Variants in CARF observed in about 807,000 individuals in gnomAD.
CARF encodes the protein calcium responsive transcription factor.
In CARF, 57 loss-of-function variants were observed where a neutral mutation model predicts 82.0. The observed-to-expected ratio is 0.70, with a 90% confidence interval of 0.56 to 0.87. CARF has a LOEUF of 0.87. Among genes scored for constraint, CARF ranks in the 40% least tolerant of loss-of-function variants. CARF has a pLI of 0.00. For missense variants in CARF, 771 were observed against 855.8 expected, an observed-to-expected ratio of 0.90 and a Z score of 1.24; for synonymous variants, 268 against 290.1, an observed-to-expected ratio of 0.92 and a Z score of 0.77.
At chr2:202,965,065 G>A (rs2059493546) in intron 9 of CARF, among the ~76,000 whole-genome samples, 1 of 151,802 alleles carries the variant, frequency 6.6e-6, no homozygotes, top group African/African-American at 2.4e-5. Flanking sequence ...TCCAAACAGG[G>A]TCCACAGACT....
At chr2:202,976,366 G>C (rs1165192238) in intron 13 of CARF, among the ~76,000 whole-genome samples, 1 of 151,892 alleles carries the variant, frequency 6.6e-6, no homozygotes. Context: ...TTAGAGACGG[G>C]TTTCACCATG....
At chr2:202,927,933 G>A (rs535205855) in intron 3 of CARF, among the ~76,000 whole-genome samples, 2 of 152,002 alleles carry the variant, frequency 1.3e-5, no homozygotes, top group East Asian at 3.9e-4. Flanking sequence ...TGAGTAGCTA[G>A]GACTACGGGT....
At chr2:202,961,608 G>T in intron 9 of CARF, 182 bp downstream of exon 9, 2 of 570,324 alleles carry the variant, frequency 3.5e-6, no homozygotes, top group Non-Finnish European at 3.1e-6. Context: ...TTATAATATT[G>T]CATTTTAATA....
At position 202,986,905 on chromosome 2, in the gene CARF, T is replaced by TATATATATACATATATATATAC. The variant is rs1559299503; in HGVS notation, c.*3284_*3285insTATATACATATATATATACATA. 1 of 127,794 alleles carries TATATATATACATATATATATAC rather than the reference T, an allele frequency of 7.8e-6. No homozygotes were observed. Among genetic ancestry groups the TATATATATACATATATATATAC allele is most frequent in the Non-Finnish European group, 1.7e-5 (1 of 58,678 alleles). 7.9% of individuals were successfully genotyped at this position (127,794 alleles called of 1,614,324 possible). ...ATATATATATATATATATATATATA[T>TATATATATACATATATATATAC]ATAGCAACTTGATGTATAGTGTCCT... On this transcript the variant is annotated 3_prime_UTR_variant, in exon 17 of 17. Transcript: ENST00000438828.
chr2:202,954,703 C>CGCTGTCTCGAA (rs1275557498), intron 7 of CARF, among the ~76,000 whole-genome samples: 4 of 136,764 alleles, frequency 2.9e-5, no homozygotes, highest in East Asian at 2.1e-4. Flanking sequence ...CAGAGCGAGA[C>CGCTGTCTCGAA]ATCATTTAAA....
intron 3 of CARF, among the ~76,000 whole-genome samples, chr2:202,927,838 C>T (rs1301092525): frequency 1.3e-5 from 2 of 149,100 alleles, no homozygotes; most frequent in Admixed American, 6.7e-5. Flanking sequence ...TCACTCTTGT[C>T]CCCTAGGCTG....
At chr2:202,980,648 A>ATATATATATATC in intron 14 of CARF, among the ~76,000 whole-genome samples, 1 of 113,150 alleles carries the variant, frequency 8.8e-6, no homozygotes, top group African/African-American at 3.3e-5. Context: ...ATATATATAT[A>ATATATATATATC]TATATATATA....
chr2:202,961,678 T>G (rs1317680579), intron 9 of CARF: 1 of 483,964 alleles, frequency 2.1e-6, no homozygotes, highest in Non-Finnish European at 3.6e-6. Flanking sequence ...ATATCGAAGT[T>G]TCCATTAAAC....
At chr2:202,952,296 T>C (rs1004755770) in intron 5 of CARF, among the ~76,000 whole-genome samples, 3 of 152,132 alleles carry the variant, frequency 2.0e-5, no homozygotes, top group Non-Finnish European at 4.4e-5. Flanking sequence ...ACTTCATCCA[T>C]GTGTAATGAT....
At chr2:202,972,454 A>G (rs2059828487) in intron 12 of CARF, among the ~76,000 whole-genome samples, 1 of 151,932 alleles carries the variant, frequency 6.6e-6, no homozygotes. Context: ...CGAGGAGGGC[A>G]GATCATGAGG....
chr2:202,942,748 C>A lies in CARF; in HGVS notation c.87C>A (p.Ile29=), dbSNP rs750035696. The change falls in exon 5 of 17, where the codon ATC becomes ATA. Residue 29 remains isoleucine (I), a synonymous_variant. Coordinates refer to ENST00000438828, the MANE Select transcript of CARF (RefSeq NM_024744.17). ...KTSAQVFEHL[I]CMDSRDSSFG... is the part of the protein sequence containing the mutation. ...TTTTTTCCTTACAAAAGCATCTAAT[C>A]TGTATGGACTCCAGGGATTCTTCCT... is the stretch of plus-strand genomic sequence containing the variant. 32 of 1,608,920 alleles carry A rather than the reference C, an allele frequency of 2.0e-5. No homozygotes were observed. Among genetic ancestry groups the A allele is most frequent in the Non-Finnish European group, 2.6e-5 (31 of 1,177,592 alleles).
chr2:202,967,578 A>G (rs1008797253), intron 10 of CARF, among the ~76,000 whole-genome samples: 1 of 152,202 alleles, frequency 6.6e-6, no homozygotes, highest in Non-Finnish European at 1.5e-5. Context: ...TGTACATAAA[A>G]GTACTATTTT....
chr2:202,954,060 T>C lies in CARF; in HGVS notation c.483T>C (p.Thr161=), dbSNP rs771927722. 2 of 1,613,714 alleles carry C rather than the reference T, an allele frequency of 1.2e-6. No individual in the cohort carries two copies. Among genetic ancestry groups the C allele is most frequent in the South Asian group, 2.2e-5 (2 of 90,996 alleles). The change falls in exon 7 of 17, where the codon ACT becomes ACC. Residue 161 remains threonine (T), a synonymous_variant. Coordinates refer to ENST00000438828, the MANE Select transcript of CARF (RefSeq NM_024744.17). ...ACTTACCAACTGTAAGAGTGGATAC[T>C]CTAGCAGACAATACCAGCAATTACA... ...NRNLPTVRVD[T]LADNTSNYIL... is the part of the protein sequence containing the mutation.
Position 202,918,392 on chromosome 2 carries a change from G to A in CARF, c.-163+349G>A, listed in dbSNP as rs564059528. Among the ~76,000 whole-genome samples, 7 of 152,170 alleles carry A rather than the reference G, an allele frequency of 4.6e-5. No individual in the cohort carries two copies. In the South Asian group the frequency reaches 1.5e-3, roughly 32 times the overall value. ...AAAAATTAGCCGGGCATGGTGGCGGGCGCCTATAGTCCCAGCTACTCTGGA... is the reference window on the plus strand; with the variant it reads ...AAAAATTAGCCGGGCATGGTGGCGGACGCCTATAGTCCCAGCTACTCTGGA... On this transcript the variant is annotated intron_variant, in intron 2 of 16. Transcript: ENST00000438828.
At chr2:202,925,371 C>A in intron 3 of CARF, 1 of 309,772 alleles carries the variant, frequency 3.2e-6, no homozygotes, top group Non-Finnish European at 6.4e-6. Context: ...CATCCCTGGT[C>A]CTGTCCATGG....
In CARF at chr2:202,985,339, A is replaced by G. The variant is rs1009439456; in HGVS notation, c.*1715A>G. The G allele has an allele frequency of 6.6e-6, 1 of 152,100 alleles. No individual in the cohort carries two copies. The highest frequency in any genetic ancestry group is 2.4e-5 in the African/African-American group (1 of 41,442). 9.4% of individuals were successfully genotyped at this position (152,100 alleles called of 1,614,324 possible). On this transcript the variant is annotated 3_prime_UTR_variant, in exon 17 of 17. Coordinates refer to ENST00000438828, the MANE Select transcript of CARF (RefSeq NM_024744.17). ...AGGTACATGACATGTATCTAAATAT[A>G]AAGTACTGTTATAGTAGAGGTAGGT...
chr2:202,965,551 TATTA>T (rs1366259214), intron 9 of CARF, among the ~76,000 whole-genome samples: 1 of 152,128 alleles, frequency 6.6e-6, no homozygotes. Flanking sequence ...AGTGGTTGTT[TATTA>T]ATTATTTATG....
At position 202,948,808 on chromosome 2, in the gene CARF, T is replaced by A. The variant is rs906064247; in HGVS notation, c.307-3751T>A. ...CGTCTGCAAACAAGGATAGTCCAACTTCCTCTCTTCCTATCTGGATGCCCT... is the reference window on the plus strand; with the variant it reads ...CGTCTGCAAACAAGGATAGTCCAACATCCTCTCTTCCTATCTGGATGCCCT... On this transcript the variant is annotated intron_variant, in intron 5 of 16. Transcript: ENST00000438828. 9.2e-5 allele frequency among the ~76,000 whole-genome samples: 14 copies of A among 152,318 alleles called. No homozygotes were observed. In the East Asian group the frequency reaches 2.5e-3, roughly 27 times the overall value.
chr2:202,913,716 G>C (rs1297375404), intron 1 of CARF, among the ~76,000 whole-genome samples: 1 of 152,156 alleles, frequency 6.6e-6, no homozygotes, highest in Non-Finnish European at 1.5e-5. Context: ...CGTTGAATCT[G>C]TACTTACTGG....
Sources: gnomAD v4.1 joint callset for allele counts (sites outside exome capture counted in the v4.1 genomes callset) on GRCh38, gnomAD v4.1.1 for gene constraint, MANE v1.5 for transcripts, NCBI Gene and HGNC (gene_info 2026-07-23, HGNC 2026-07-21) for gene names.